PRELID2: variants seen among roughly 807,000 people sequenced by gnomAD.
PRELID2 encodes the protein PRELI domain-containing protein 2.
Under a neutral mutation model 28.4 loss-of-function variants are expected in PRELID2, and 25 were observed. The observed-to-expected ratio is 0.88, with a 90% CI of 0.64 to 1.23. The LOEUF is 1.23. PRELID2 is among the 50% of genes most tolerant of loss of function. The pLI is 0.00. For synonymous variants in PRELID2, 76 were observed against 71.6 expected, an observed-to-expected ratio of 1.06 and a Z score of -0.31; for missense variants, 201 against 214.4, an observed-to-expected ratio of 0.94 and a Z score of 0.39.
intron 1 of PRELID2, among the ~76,000 whole-genome samples, chr5:145,521,639 T>C (rs1315431974): frequency 6.6e-6 from 1 of 152,182 alleles, no homozygotes; most frequent in Non-Finnish European, 1.5e-5. Flanking sequence ...CAGATCTGCC[T>C]CATAATCCCT....
At chr5:145,580,125 G>T (rs568412395) in intron 1 of PRELID2, among the ~76,000 whole-genome samples, 1 of 152,168 alleles carries the variant, frequency 6.6e-6, no homozygotes, top group South Asian at 2.1e-4. Context: ...GACCAACACT[G>T]TAACAATCCA....
chr5:145,790,135 C>T (rs1176328691), intron 5 of PRELID2, among the ~76,000 whole-genome samples: 1 of 152,142 alleles, frequency 6.6e-6, no homozygotes, highest in East Asian at 1.9e-4. Flanking sequence ...TCCAGCAATC[C>T]CACTTCTGGG....
the PRELID2 span, among the ~76,000 whole-genome samples, chr5:145,236,348 G>A: frequency 1.3e-5 from 2 of 152,100 alleles, no homozygotes; most frequent in Admixed American, 6.6e-5. Context: ...AAACCCAGAG[G>A]AAGCTGAGTC....
the PRELID2 span, among the ~76,000 whole-genome samples, chr5:145,381,376 T>G: frequency 6.6e-6 from 1 of 152,146 alleles, no homozygotes; most frequent in African/African-American, 2.4e-5. Context: ...CCCAAAAATC[T>G]ACATATTGGG....
chr5:145,292,378 T>C, the PRELID2 span, among the ~76,000 whole-genome samples: 2 of 152,014 alleles, frequency 1.3e-5, no homozygotes, highest in Non-Finnish European at 2.9e-5. Flanking sequence ...TTCATGAAAA[T>C]GCATAGTGGT....
intron 1 of PRELID2, among the ~76,000 whole-genome samples, chr5:145,713,367 T>TATATATATATATATATATATATATACAC: frequency 6.9e-6 from 1 of 144,544 alleles, no homozygotes; most frequent in Middle Eastern, 3.6e-3. Context: ...TATATATATA[T>TATATATATATATATATATATATATACAC]ATACTTTACA....
chr5:145,807,591 C>G (rs1753600710), intron 4 of PRELID2, among the ~76,000 whole-genome samples: 1 of 151,888 alleles, frequency 6.6e-6, no homozygotes, highest in Non-Finnish European at 1.5e-5. Flanking sequence ...AGAGAAGCTC[C>G]CATATTACTG....
At chr5:145,376,778 TTTC>T in the PRELID2 span, among the ~76,000 whole-genome samples, 1 of 152,136 alleles carries the variant, frequency 6.6e-6, no homozygotes, top group African/African-American at 2.4e-5. Context: ...AATCTTCTCT[TTTC>T]TTCTTTATTA....
chr5:145,317,808 T>C, the PRELID2 span, among the ~76,000 whole-genome samples: 11 of 152,224 alleles, frequency 7.2e-5, no homozygotes, highest in African/African-American at 2.7e-4. Context: ...ATGGTATTAC[T>C]TTCCTGCTGG....
At chr5:145,368,005 C>T in the PRELID2 span, among the ~76,000 whole-genome samples, 2 of 151,878 alleles carry the variant, frequency 1.3e-5, no homozygotes, top group African/African-American at 4.8e-5. Context: ...TGTAAGAAGC[C>T]ACCACCATCA....
At chr5:145,512,265 T>C (rs1229025032) in intron 1 of PRELID2, among the ~76,000 whole-genome samples, 1 of 152,114 alleles carries the variant, frequency 6.6e-6, no homozygotes, top group Non-Finnish European at 1.5e-5. Context: ...GTTAATCTAA[T>C]TGGGACTGGT....
chr5:145,686,426 C>T (rs915965589), intron 1 of PRELID2, among the ~76,000 whole-genome samples: 1 of 152,084 alleles, frequency 6.6e-6, no homozygotes, highest in East Asian at 1.9e-4. Context: ...CCTCACCACC[C>T]AGCCCCACCA....
chr5:145,706,556 C>T (rs538629364), intron 1 of PRELID2, among the ~76,000 whole-genome samples: 1 of 152,264 alleles, frequency 6.6e-6, no homozygotes, highest in African/African-American at 2.4e-5. Context: ...ATATGAACTT[C>T]ATAGGGGAAA....
chr5:145,757,411 C>T lies in PRELID2; in HGVS notation c.*3125G>A, dbSNP rs1254071941. Among the ~76,000 whole-genome samples the T allele has an allele frequency of 2.6e-5, 4 of 152,164 alleles. No individual in the cohort carries two copies. Among genetic ancestry groups the T allele is most frequent in the Admixed American group, 6.5e-5 (1 of 15,276 alleles). On this transcript the variant is annotated 3_prime_UTR_variant, in exon 7 of 7. Transcript: ENST00000683046. ...TGGGGAAAGGGACTGAGAACCTGCA[C>T]GTTAGCACGTTGCCCCAAAGATTTC...
chr5:145,394,579 T>A, the PRELID2 span, among the ~76,000 whole-genome samples: 4 of 152,126 alleles, frequency 2.6e-5, no homozygotes, highest in Non-Finnish European at 4.4e-5. Context: ...ACTTAAAGTA[T>A]AACAATAATA....
intron 5 of PRELID2, among the ~76,000 whole-genome samples, chr5:145,769,668 AG>A (rs1198032241): frequency 5.3e-5 from 8 of 152,208 alleles, no homozygotes; most frequent in Non-Finnish European, 1.0e-4. Context: ...CAGTGATAAA[AG>A]ATTGGTGTTA....
chr5:145,820,126 T>C (rs1332835863), intron 2 of PRELID2, 108 bp from the exon 3 acceptor site: 12 of 454,008 alleles, frequency 2.6e-5, no homozygotes, highest in Non-Finnish European at 4.3e-5. Flanking sequence ...GTTTTTTGTT[T>C]TTTTTTTTTG....
chr5:145,445,699 C>T, the PRELID2 span, among the ~76,000 whole-genome samples: 1 of 150,930 alleles, frequency 6.6e-6, no homozygotes, highest in Non-Finnish European at 1.5e-5. Flanking sequence ...ATAAATAATC[C>T]AACTGAAAGA....
chr5:145,558,506 G>T (rs563088949), intron 1 of PRELID2, among the ~76,000 whole-genome samples: 1 of 152,334 alleles, frequency 6.6e-6, no homozygotes, highest in East Asian at 1.9e-4. Context: ...CCTAAGAAAT[G>T]CTGACAGCTA....
Sources: allele counts gnomAD v4.1 joint callset (sites outside exome capture counted in the v4.1 genomes callset), GRCh38; gene constraint gnomAD v4.1.1; transcripts MANE v1.5; gene names NCBI Gene and HGNC (gene_info 2026-07-23, HGNC 2026-07-21).